Variants in SDK1 observed in about 807,000 individuals in gnomAD.
SDK1 encodes sidekick cell adhesion molecule 1.
Under a neutral mutation model 245.5 loss-of-function variants are expected in SDK1, and 157 were observed. That is an observed-to-expected ratio of 0.64 (90% CI 0.56 to 0.73). The LOEUF (loss-of-function observed/expected upper bound fraction) is 0.73, where lower values mean the gene tolerates loss of function less well. Ranked by LOEUF, SDK1 falls within the 30% of genes least tolerant of loss-of-function variation. SDK1 has a pLI of 0.00. For synonymous variants in SDK1, 1,647 were observed against 1,278.5 expected, an observed-to-expected ratio of 1.29 and a Z score of -6.15; for missense variants, 3,583 against 3,002.3, an observed-to-expected ratio of 1.19 and a Z score of -4.52.
intron 4 of SDK1, among the ~76,000 whole-genome samples, chr7:3,788,978 T>G (rs1780996526): frequency 6.6e-6 from 1 of 152,304 alleles, no homozygotes; most frequent in African/African-American, 2.4e-5. Flanking sequence ...TCCCTGAGCA[T>G]GGGTTGTCAT....
chr7:3,678,882 A>G (rs762485513), intron 4 of SDK1, among the ~76,000 whole-genome samples: 4 of 152,228 alleles, frequency 2.6e-5, no homozygotes, highest in Non-Finnish European at 5.9e-5. Flanking sequence ...AACAGGCAAA[A>G]TAATGAACCT....
intron 1 of SDK1, among the ~76,000 whole-genome samples, chr7:3,330,698 C>T (rs376284932): frequency 6.6e-6 from 1 of 151,548 alleles, no homozygotes; most frequent in South Asian, 2.1e-4. Flanking sequence ...TAGGGCTAGG[C>T]ACGGTGACTC....
chr7:4,045,927 T>G (rs1788987906), intron 17 of SDK1, among the ~76,000 whole-genome samples: 1 of 152,160 alleles, frequency 6.6e-6, no homozygotes, highest in Admixed American at 6.5e-5. Flanking sequence ...TGAAAATTCT[T>G]TTTTCTGCAT....
At chr7:3,453,744 AT>A (rs59372945) in intron 1 of SDK1, among the ~76,000 whole-genome samples, 29,840 of 150,576 alleles carry the variant, frequency 0.2, 5,592 homozygotes, top group African/African-American at 0.49. Context: ...TGTCTGGCTA[AT>A]TTTTTTTTTA....
At chr7:4,193,367 A>ATATAAT (rs1783346995) in intron 35 of SDK1, among the ~76,000 whole-genome samples, 1 of 78,132 alleles carries the variant, frequency 1.3e-5, no homozygotes, top group Non-Finnish European at 2.2e-5. Context: ...TATATATTAA[A>ATATAAT]ATATTTATAT....
chr7:4,180,109 C>T (rs554503347), intron 35 of SDK1, among the ~76,000 whole-genome samples: 17 of 152,210 alleles, frequency 1.1e-4, no homozygotes, highest in South Asian at 2.1e-4. Flanking sequence ...TGGGGAGTCG[C>T]GCCAGGGCCA....
intron 19 of SDK1, among the ~76,000 whole-genome samples, chr7:4,056,267 A>G (rs1779189433): frequency 1.3e-5 from 2 of 152,132 alleles, no homozygotes; most frequent in South Asian, 4.1e-4. Context: ...ATCACATTAA[A>G]AGACTGAAGG....
intron 22 of SDK1, among the ~76,000 whole-genome samples, chr7:4,095,313 C>T (rs961123450): frequency 3.3e-5 from 5 of 151,054 alleles, no homozygotes; most frequent in Non-Finnish European, 1.5e-5. Context: ...TGAGCTCTTC[C>T]TCAGCTCCCC....
chr7:3,786,304 AGT>A (rs1461111020), intron 4 of SDK1, among the ~76,000 whole-genome samples: 5 of 152,208 alleles, frequency 3.3e-5, no homozygotes, highest in Non-Finnish European at 4.4e-5. Flanking sequence ...CTTGTTGCAG[AGT>A]TAAACACAGC....
chr7:3,491,091 C>T (rs1342635224), intron 1 of SDK1, among the ~76,000 whole-genome samples: 3 of 152,222 alleles, frequency 2.0e-5, no homozygotes, highest in Non-Finnish European at 2.9e-5. Flanking sequence ...AGATTACAGC[C>T]GAAAAAGGTT....
chr7:4,196,694 G>A (rs1453342665), intron 35 of SDK1, among the ~76,000 whole-genome samples: 1 of 152,182 alleles, frequency 6.6e-6, no homozygotes, highest in Non-Finnish European at 1.5e-5. Flanking sequence ...CACCCTGAGG[G>A]CTGGAATTGC....
At chr7:3,602,664 G>A (rs1229694604) in intron 1 of SDK1, among the ~76,000 whole-genome samples, 1 of 151,860 alleles carries the variant, frequency 6.6e-6, no homozygotes, top group Non-Finnish European at 1.5e-5. Flanking sequence ...TTGCTGTGCA[G>A]AAGCTCTTTA....
At chr7:3,494,376 A>G (rs1781956861) in intron 1 of SDK1, among the ~76,000 whole-genome samples, 1 of 152,226 alleles carries the variant, frequency 6.6e-6, no homozygotes, top group Non-Finnish European at 1.5e-5. Flanking sequence ...TGGGACATTT[A>G]GGGTGGTGGC....
chr7:3,616,505 T>C (rs994913015), intron 1 of SDK1, among the ~76,000 whole-genome samples: 1 of 152,208 alleles, frequency 6.6e-6, no homozygotes, highest in Non-Finnish European at 1.5e-5. Context: ...AGGGCCTGCT[T>C]AACGGTTTGG....
chr7:3,403,028 G>A (rs6944000), intron 1 of SDK1, among the ~76,000 whole-genome samples: 3,341 of 151,978 alleles, frequency 0.022, 134 homozygotes, highest in African/African-American at 0.076. Flanking sequence ...TCTGCCTCCC[G>A]GGTTCAAGTG....
chr7:4,086,083 T>C (rs1233345335), intron 22 of SDK1, among the ~76,000 whole-genome samples: 3 of 152,216 alleles, frequency 2.0e-5, no homozygotes, highest in Admixed American at 6.5e-5. Flanking sequence ...GCTCTGCGTA[T>C]ATGTGTACTT....
intron 5 of SDK1, among the ~76,000 whole-genome samples, chr7:3,866,737 G>A (rs1468763269): frequency 6.6e-6 from 1 of 152,204 alleles, no homozygotes; most frequent in Admixed American, 6.5e-5. Context: ...GAGTGGGGAA[G>A]TGTACTGTTC....
At chr7:3,948,951 T>C (rs1333958629) in intron 5 of SDK1, among the ~76,000 whole-genome samples, 3 of 152,208 alleles carry the variant, frequency 2.0e-5, no homozygotes, top group African/African-American at 7.2e-5. Flanking sequence ...AATATTAGCT[T>C]CTCCGGCCGT....
At chr7:4,109,605 G>A (rs149805467) in intron 22 of SDK1, among the ~76,000 whole-genome samples, 9 of 152,330 alleles carry the variant, frequency 5.9e-5, no homozygotes, top group East Asian at 1.9e-4. Context: ...ACGGCCACAC[G>A]AAACCAGAGT....
Sources: allele counts gnomAD v4.1 joint callset (sites outside exome capture counted in the v4.1 genomes callset), GRCh38; gene constraint gnomAD v4.1.1; transcripts MANE v1.5; gene names NCBI Gene and HGNC (gene_info 2026-07-23, HGNC 2026-07-21).